Variants in SPATA6L observed in about 807,000 individuals in gnomAD.
SPATA6L encodes spermatogenesis associated 6 like.
In SPATA6L, 68 loss-of-function variants were observed where a neutral mutation model predicts 49.2. The ratio of observed to expected loss-of-function variants is 1.38; its 90% CI spans 1.14 to 1.69. The LOEUF (loss-of-function observed/expected upper bound fraction) is 1.69, where lower values mean the gene tolerates loss of function less well. SPATA6L is among the 40% of genes most tolerant of loss of function. The probability of loss-of-function intolerance (pLI) is 0.00; values close to 1 mark genes in which losing one functional copy is unlikely to be tolerated. For missense variants in SPATA6L, 668 were observed against 464.3 expected (o/e 1.44, Z -4.03); for synonymous variants, 198 against 165.7 (o/e 1.19, Z -1.50).
intron 2 of SPATA6L, among the ~76,000 whole-genome samples, chr9:4,660,567 C>T (rs945451224): frequency 6.6e-5 from 10 of 152,282 alleles, no homozygotes; most frequent in African/African-American, 2.2e-4. Context: ...ACAGGAACAC[C>T]TTTACACTGT....
chr9:4,626,927 G>C (rs938617926), intron 5 of SPATA6L: 2 of 163,062 alleles, frequency 1.2e-5, no homozygotes, highest in Admixed American at 1.2e-4. Flanking sequence ...AAAGTGTGAT[G>C]TGTGTACAGA....
intron 3 of SPATA6L, among the ~76,000 whole-genome samples, chr9:4,641,584 A>T (rs1466439931): frequency 6.6e-6 from 1 of 152,212 alleles, no homozygotes; most frequent in African/African-American, 2.4e-5. Context: ...TGTTCAGTAC[A>T]GACACAACCA....
intron 3 of SPATA6L, among the ~76,000 whole-genome samples, chr9:4,638,438 C>A (rs1833282492): frequency 6.6e-6 from 1 of 152,234 alleles, no homozygotes; most frequent in South Asian, 2.1e-4. Context: ...CTCTGAAACT[C>A]CTGACCTCAG....
downstream of SPATA6L, among the ~76,000 whole-genome samples, chr9:4,594,091 A>G (rs1429684137): frequency 6.6e-6 from 1 of 152,072 alleles, no homozygotes; most frequent in Non-Finnish European, 1.5e-5. Flanking sequence ...CCCACCTCCA[A>G]CTTCTACTGA....
At chr9:4,654,365 G>C (rs1392649032) in intron 3 of SPATA6L, among the ~76,000 whole-genome samples, 2 of 152,192 alleles carry the variant, frequency 1.3e-5, no homozygotes, top group Non-Finnish European at 2.9e-5. Context: ...CAAACCTCTA[G>C]AGGAGCAGAC....
intron 3 of SPATA6L, among the ~76,000 whole-genome samples, chr9:4,638,785 CTTTTCTTTTTTTTTTTT>C (rs1833396968): frequency 6.9e-6 from 1 of 145,302 alleles, no homozygotes; most frequent in Non-Finnish European, 1.5e-5. Flanking sequence ...CTTTTCTTTT[CTTTTCTTTTTTTTTTTT>C]GAGATGGAGT....
rs368421371 is a variant in SPATA6L, at chr9:4,635,326, C to T, written c.300G>A (p.Ser100=). ...GCACCTCCCTACACCTCCTAGGGTG[C>T]GAAGGTGTCAGCTTGGGCTCTGGGA... ...FLFPEPKLTP[S]HPRRCREVLM... is the part of the protein sequence containing the mutation. Residue 100 remains serine, a synonymous_variant, in exon 4 of 12, where the codon TCG becomes TCA. Transcript: ENST00000682582. 24 of 1,588,988 alleles carry T rather than the reference C, an allele frequency of 1.5e-5. No homozygotes were observed. The highest frequency in any genetic ancestry group is 8.2e-5 in the African/African-American group (6 of 72,780).
chr9:4,640,923 C>T (rs1251578284), intron 3 of SPATA6L, among the ~76,000 whole-genome samples: 1 of 152,140 alleles, frequency 6.6e-6, no homozygotes. Context: ...GAATATTCTG[C>T]AATCATTCTT....
At chr9:4,633,846 T>C (rs1378858969) in intron 4 of SPATA6L, 4 of 152,222 alleles carry the variant, frequency 2.6e-5, no homozygotes, top group Non-Finnish European at 5.9e-5. Context: ...TTATTTTGCT[T>C]TATAGAATGG....
chr9:4,661,700 C>G (rs1471856870), intron 2 of SPATA6L, among the ~76,000 whole-genome samples, 199 bp downstream of exon 2: 4 of 152,130 alleles, frequency 2.6e-5, no homozygotes, highest in South Asian at 4.1e-4. Flanking sequence ...GGGTATTTAG[C>G]ACTAGATTGA....
intron 9 of SPATA6L, among the ~76,000 whole-genome samples, chr9:4,616,382 C>A (rs1295528176): frequency 6.6e-6 from 1 of 152,220 alleles, no homozygotes. Context: ...CTCCTGACCA[C>A]TGTTAATTGA....
chr9:4,628,780 C>G (rs1830845336), intron 5 of SPATA6L: 1 of 220,796 alleles, frequency 4.5e-6, no homozygotes, highest in South Asian at 8.7e-5. Flanking sequence ...TTCATAAGAT[C>G]ACAAGTAAAT....
At position 4,630,210 on chromosome 9, in the gene SPATA6L, C is replaced by G. The variant is rs141909068; in HGVS notation, c.352-1042G>C. 3.8e-3 allele frequency among the ~76,000 whole-genome samples: 582 copies of G among 152,168 alleles called. 4 individuals carry two copies. The highest frequency in any genetic ancestry group is 0.013 in the African/African-American group (556 of 41,486). ...TAGGAGGGATGGGATTGTTCTACAT[C>G]CTGCTCGTAGCAGTGGTTTTACAAA... On this transcript the variant is annotated intron_variant, in intron 4 of 11. Coordinates refer to ENST00000682582, the MANE Select transcript of SPATA6L (RefSeq NM_001353486.2).
chr9:4,619,983 G>A (rs751592178), intron 7 of SPATA6L, among the ~76,000 whole-genome samples: 69 of 152,190 alleles, frequency 4.5e-4, no homozygotes, highest in Non-Finnish European at 9.0e-4. Context: ...CTCAGGCAAT[G>A]ACAAGGGACT....
intron 3 of SPATA6L, among the ~76,000 whole-genome samples, chr9:4,653,529 T>C (rs1279236873): frequency 6.6e-6 from 1 of 152,192 alleles, no homozygotes; most frequent in Non-Finnish European, 1.5e-5. Flanking sequence ...TTAAAAACTT[T>C]TGCATTTCAA....
At chr9:4,590,257 G>A (rs1365286743) in intron 13 of SPATA6L, among the ~76,000 whole-genome samples, 3 of 152,132 alleles carry the variant, frequency 2.0e-5, no homozygotes, top group African/African-American at 7.2e-5. Context: ...ATGGAATTGG[G>A]TGAGTGTACC....
rs746503491 is a variant in SPATA6L, at chr9:4,662,347, A to G, written c.40-311T>C. On this transcript the variant is annotated intron_variant, in intron 1 of 11. Coordinates refer to ENST00000682582, the MANE Select transcript of SPATA6L (RefSeq NM_001353486.2). The surrounding 1 kb of genome is among the most constrained non-coding windows in gnomAD (Gnocchi z 4.9). Reference sequence around the variant, plus strand: ...CGGGAAGCCTCTGTTTGGTCCGGCCAGGTCCCGGGATCCGGGCCGCCAGCT... The same window carrying G: ...CGGGAAGCCTCTGTTTGGTCCGGCCGGGTCCCGGGATCCGGGCCGCCAGCT... 1 of 1,480,186 alleles carries G rather than the reference A, an allele frequency of 6.8e-7. No individual in the cohort carries two copies. Among genetic ancestry groups the G allele is most frequent in the Non-Finnish European group, 8.9e-7 (1 of 1,122,862 alleles). The allele number at this position is 1,480,186 out of a possible 1,614,324, so 91.7% of individuals were successfully genotyped here.
At position 4,604,228 on chromosome 9, in the gene SPATA6L, T is replaced by A; in HGVS notation, c.1131A>T (p.Pro377=). The A allele has an allele frequency of 6.2e-7, 1 of 1,612,442 alleles. No homozygotes were observed. The highest frequency in any genetic ancestry group is 8.5e-7 in the Non-Finnish European group (1 of 1,178,978). ...TSEVNYIIER[P]SYPLKKYSLH... is the part of the protein sequence containing the mutation. ...GTGAGTATTTCTTCAGAGGGTAGCT[T>A]GGTCTTTCAATGATATAATTTACTT... Residue 377 remains proline, a synonymous_variant, in exon 11 of 12, where the codon CCA becomes CCT. Coordinates refer to ENST00000682582, the MANE Select transcript of SPATA6L (RefSeq NM_001353486.2).
rs1166785342 is a variant in SPATA6L, at chr9:4,598,612, A to G, written c.*2199T>C. Among the ~76,000 whole-genome samples, 1 of 152,268 alleles carries G rather than the reference A, an allele frequency of 6.6e-6. No homozygotes were observed. Among genetic ancestry groups the G allele is most frequent in the Non-Finnish European group, 1.5e-5 (1 of 68,046 alleles). ...GCATTTAAGATCTTATTAAAGAGTTATGCTTAAACCATTTCAAAAAACACT... is the reference window on the plus strand; with the variant it reads ...GCATTTAAGATCTTATTAAAGAGTTGTGCTTAAACCATTTCAAAAAACACT... On this transcript the variant is annotated 3_prime_UTR_variant, in exon 12 of 12. Transcript: ENST00000682582.
Sources: allele counts gnomAD v4.1 joint callset (sites outside exome capture counted in the v4.1 genomes callset), GRCh38; gene constraint gnomAD v4.1.1; non-coding constraint Gnocchi (gnomAD v3.1); transcripts MANE v1.5; gene names NCBI Gene and HGNC (gene_info 2026-07-23, HGNC 2026-07-21).